The following DISC1 variants were observed in gnomAD, a reference collection of about 807,000 sequenced individuals.
The protein encoded by DISC1 is DISC1 scaffold protein.
In DISC1, 57 loss-of-function variants were observed where a neutral mutation model predicts 84.5. The observed-to-expected ratio is 0.67, with a 90% CI of 0.55 to 0.84. The LOEUF is 0.84. DISC1 is among the 40% of genes least tolerant of loss of function. The pLI is 0.00. For synonymous variants in DISC1, 411 were observed against 415.2 expected, an observed-to-expected ratio of 0.99 and a Z score of 0.12; for missense variants, 1,000 against 1,057.8, an observed-to-expected ratio of 0.95 and a Z score of 0.76.
At chr1:231,791,569 C>A (rs2078354295) in intron 6 of DISC1, among the ~76,000 whole-genome samples, 1 of 152,152 alleles carries the variant, frequency 6.6e-6, no homozygotes, top group Non-Finnish European at 1.5e-5. Flanking sequence ...ATTTCCAGGG[C>A]AGCCACTTTG....
At chr1:231,996,117 CT>C in intron 10 of DISC1, among the ~76,000 whole-genome samples, 1 of 152,204 alleles carries the variant, frequency 6.6e-6, no homozygotes, top group South Asian at 2.1e-4. Flanking sequence ...TTTCATGTGT[CT>C]TTTGGCTGCA....
intron 3 of DISC1, among the ~76,000 whole-genome samples, chr1:231,710,353 A>AAAAC (rs374423557): frequency 7.3e-4 from 111 of 152,274 alleles, no homozygotes; most frequent in South Asian, 8.3e-4. Flanking sequence ...CTCAAAAACA[A>AAAAC]AAACAAACAA....
At chr1:231,715,898 G>A (rs1391829954) in intron 3 of DISC1, among the ~76,000 whole-genome samples, 1 of 152,180 alleles carries the variant, frequency 6.6e-6, no homozygotes, top group Non-Finnish European at 1.5e-5. Flanking sequence ...AGCTCAGCCG[G>A]GAATGGAGGG....
intron 9 of DISC1, among the ~76,000 whole-genome samples, chr1:231,830,608 A>G (rs940717181): frequency 3.3e-5 from 5 of 152,172 alleles, no homozygotes; most frequent in African/African-American, 1.2e-4. Flanking sequence ...GTAGTTGAGA[A>G]TGGTGAATAG....
At chr1:231,712,384 G>T (rs564554835) in intron 3 of DISC1, among the ~76,000 whole-genome samples, 176 of 152,212 alleles carry the variant, frequency 1.2e-3, no homozygotes, top group African/African-American at 4.1e-3. Flanking sequence ...TAGCAAAATG[G>T]TAGAGTTTGC....
At chr1:231,659,019 C>T (rs1280566270) in intron 1 of DISC1, among the ~76,000 whole-genome samples, 4 of 152,080 alleles carry the variant, frequency 2.6e-5, no homozygotes, top group Admixed American at 6.6e-5. Context: ...ATGAGTCCCT[C>T]CTTTTCAATT....
intron 10 of DISC1, among the ~76,000 whole-genome samples, chr1:231,997,620 G>A (rs201563689): frequency 2.6e-5 from 4 of 152,094 alleles, no homozygotes; most frequent in Non-Finnish European, 5.9e-5. Context: ...AGTAGCAGAG[G>A]AGCACTGCCT....
chr1:231,970,925 C>T (rs1661863767), intron 10 of DISC1, among the ~76,000 whole-genome samples: 1 of 152,172 alleles, frequency 6.6e-6, no homozygotes, highest in South Asian at 2.1e-4. Flanking sequence ...GTGATTTTTA[C>T]GTGGCCTGAG....
chr1:231,676,356 G>A (rs1353885066), intron 1 of DISC1, among the ~76,000 whole-genome samples: 1 of 152,106 alleles, frequency 6.6e-6, no homozygotes, highest in Non-Finnish European at 1.5e-5. Flanking sequence ...ATTTGGCCTG[G>A]AACTGTTATT....
chr1:231,791,590 C>G (rs1335520774), intron 6 of DISC1, among the ~76,000 whole-genome samples: 2 of 152,174 alleles, frequency 1.3e-5, no homozygotes, highest in Non-Finnish European at 2.9e-5. Flanking sequence ...AATGAAGATA[C>G]TCATTTGGGT....
intron 9 of DISC1, among the ~76,000 whole-genome samples, chr1:231,886,080 G>A (rs1037823648): frequency 1.3e-5 from 2 of 152,168 alleles, no homozygotes; most frequent in African/African-American, 4.8e-5. Context: ...GGGCCAAGTT[G>A]TCCTTTTCTA....
intron 4 of DISC1, among the ~76,000 whole-genome samples, chr1:231,752,905 G>C (rs1039321261): frequency 1.3e-5 from 2 of 152,246 alleles, no homozygotes; most frequent in Non-Finnish European, 2.9e-5. Context: ...AAATCTTAAA[G>C]CTCCAAAATA....
chr1:231,819,346 A>T (rs1233719011), intron 9 of DISC1: 10 of 199,634 alleles, frequency 5.0e-5, no homozygotes, highest in Non-Finnish European at 8.2e-5. Context: ...GAAGTAAATG[A>T]AGAGTAGTAT....
rs887199007 is a variant in DISC1 at position 232,008,717 on chromosome 1, G to A, written c.2043-68G>A. 8 of 1,497,412 alleles carry A rather than the reference G, an allele frequency of 5.3e-6. No individual in the cohort carries two copies. In the Admixed American group the frequency reaches 6.8e-5, roughly 13 times the overall value. 92.8% of individuals were successfully genotyped at this position (1,497,412 alleles called of 1,614,324 possible). A position where few individuals can be genotyped will look rare whatever the true frequency, so the allele number is the denominator to read the frequency against. ...AGCTGACTTTTAGCCAGGTAGACAAGCTATCGACTTGGTATGATGAAACAT... is the reference window on the plus strand; with the variant it reads ...AGCTGACTTTTAGCCAGGTAGACAAACTATCGACTTGGTATGATGAAACAT... On this transcript the variant is annotated intron_variant, in intron 10 of 12. Transcript: ENST00000439617.
At chr1:231,962,875 G>A (rs1660576208) in intron 10 of DISC1, among the ~76,000 whole-genome samples, 4 of 152,124 alleles carry the variant, frequency 2.6e-5, no homozygotes, top group Admixed American at 2.6e-4. Context: ...GCTCATGCTG[G>A]CTCACCAGCC....
At chr1:231,696,945 G>A (rs1450654826) in intron 2 of DISC1, among the ~76,000 whole-genome samples, 2 of 152,228 alleles carry the variant, frequency 1.3e-5, no homozygotes, top group African/African-American at 4.8e-5. Flanking sequence ...AGTATCTGTT[G>A]TGTGACAGCG....
chr1:231,992,484 C>T (rs1035106280), intron 10 of DISC1, among the ~76,000 whole-genome samples: 7 of 152,146 alleles, frequency 4.6e-5, no homozygotes, highest in African/African-American at 1.7e-4. Context: ...ATTTATGGCA[C>T]GTTTGCCACA....
At chr1:231,931,568 G>C (rs1306909977) in intron 9 of DISC1, among the ~76,000 whole-genome samples, 1 of 152,080 alleles carries the variant, frequency 6.6e-6, no homozygotes, top group Non-Finnish European at 1.5e-5. Context: ...CACAGAATAT[G>C]TGTGCTGTTC....
Position 231,927,488 on chromosome 1 carries a change from C to T in DISC1, c.1982-31340C>T, listed in dbSNP as rs149568082. 2.4e-3 allele frequency among the ~76,000 whole-genome samples: 372 copies of T among 152,292 alleles called. 3 individuals are homozygous for T. Among genetic ancestry groups the T allele is most frequent in the African/African-American group, 7.6e-3 (314 of 41,546 alleles). On this transcript the variant is annotated intron_variant, in intron 9 of 12. Transcript: ENST00000439617. ...TGTACAATGCTTCAAGAATTGCGGACTCCATATTACTCTCCTGTGTCATGT... is the reference window on the plus strand; with the variant it reads ...TGTACAATGCTTCAAGAATTGCGGATTCCATATTACTCTCCTGTGTCATGT...
Sources: allele counts gnomAD v4.1 joint callset (sites outside exome capture counted in the v4.1 genomes callset), GRCh38; gene constraint gnomAD v4.1.1; transcripts MANE v1.5; gene names NCBI Gene and HGNC (gene_info 2026-07-23, HGNC 2026-07-21).